Variants in TTC6 observed in about 807,000 individuals in gnomAD.
The protein encoded by TTC6 is tetratricopeptide repeat domain 6, also known as tetratricopeptide repeat protein 6.
Under a neutral mutation model 210.4 loss-of-function variants are expected in TTC6, and 172 were observed. The observed-to-expected ratio is 0.82, with a 90% CI of 0.72 to 0.93. The LOEUF is 0.93. Ranked by LOEUF, TTC6 falls within the 40% of genes least tolerant of loss-of-function variation. The pLI is 0.00. For synonymous variants in TTC6, 804 were observed against 819.6 expected (o/e 0.98, Z 0.32); for missense variants, 2,414 against 2,318.1 (o/e 1.04, Z -0.85).
chr14:37,782,906 T>C (rs921651620), intron 14 of TTC6, among the ~76,000 whole-genome samples: 15 of 152,290 alleles, frequency 9.8e-5, no homozygotes, highest in African/African-American at 2.9e-4. Flanking sequence ...TTGTCTTTGG[T>C]TCTGTTTATA....
chr14:37,679,720 C>T (rs374785131), intron 1 of TTC6, among the ~76,000 whole-genome samples: 1 of 152,054 alleles, frequency 6.6e-6, no homozygotes, highest in African/African-American at 2.4e-5. Context: ...AACAGAGTTT[C>T]CCTCTTGTTG....
intron 27 of TTC6, 134 bp from the exon 30 acceptor site, chr14:37,826,061 G>T: frequency 1.2e-6 from 1 of 858,836 alleles, no homozygotes; most frequent in Non-Finnish European, 1.7e-6. Flanking sequence ...CCTACTTTCT[G>T]GTTTGAAAGA....
At chr14:37,693,057 C>A (rs1371824659) in intron 3 of TTC6, among the ~76,000 whole-genome samples, 1 of 151,790 alleles carries the variant, frequency 6.6e-6, no homozygotes, top group Non-Finnish European at 1.5e-5. Context: ...AGCCATCAGA[C>A]AACAGGAAGA....
intron 1 of TTC6, among the ~76,000 whole-genome samples, chr14:37,668,006 A>AGG (rs2095751479): frequency 6.7e-6 from 1 of 149,980 alleles, no homozygotes; most frequent in Non-Finnish European, 1.5e-5. Context: ...ATGATGGTAC[A>AGG]CACCTGTAGT....
intron 7 of TTC6, among the ~76,000 whole-genome samples, chr14:37,734,830 C>A (rs980293684): frequency 2.6e-5 from 4 of 152,074 alleles, no homozygotes; most frequent in African/African-American, 9.7e-5. Flanking sequence ...TTAAAATAAG[C>A]AACCATTGAT....
At chr14:37,796,355 G>T in exon 19 of TTC6, 1 of 1,221,372 alleles carries the variant, frequency 8.2e-7, no homozygotes, top group African/African-American at 1.5e-5. Flanking sequence ...TTATCAAATA[G>T]CAGAAATGGA....
At chr14:37,773,224 T>G (rs1313577277) in intron 14 of TTC6, among the ~76,000 whole-genome samples, 2 of 152,184 alleles carry the variant, frequency 1.3e-5, no homozygotes, top group African/African-American at 4.8e-5. Flanking sequence ...GTTGTCTGTT[T>G]ACTCTGTTGA....
At position 37,839,816 on chromosome 14, in the gene TTC6, AT is replaced by A. The variant is rs770638060; in HGVS notation, c.5299-1624del. On this transcript the variant is annotated intron_variant, in intron 29 of 30. Coordinates refer to ENST00000553443, the Ensembl canonical transcript of TTC6. The stretch of plus-strand genomic sequence containing the variant: ...TAAGTCTTTAATCCATCTTGAGTTA[AT>A]TTTTGTATAAGGTGGAAGGAAGGGA... 2.0e-5 allele frequency among the ~76,000 whole-genome samples: 3 copies of A among 152,112 alleles called. No individual in the cohort carries two copies. In the East Asian group the frequency reaches 5.8e-4, roughly 29 times the overall value.
chr14:37,652,619 C>T (rs1240054459), intron 1 of TTC6, among the ~76,000 whole-genome samples: 2 of 152,146 alleles, frequency 1.3e-5, no homozygotes, highest in Non-Finnish European at 2.9e-5. Context: ...CCTTTTTACA[C>T]CTCTCATTTG....
At chr14:37,727,417 C>T (rs1385274905) in intron 7 of TTC6, among the ~76,000 whole-genome samples, 1 of 151,326 alleles carries the variant, frequency 6.6e-6, no homozygotes, top group Non-Finnish European at 1.5e-5. Context: ...CCTCAGCCTC[C>T]CGAGTAGCCG....
intron 1 of TTC6, among the ~76,000 whole-genome samples, chr14:37,645,095 C>G (rs919292498): frequency 6.6e-6 from 1 of 152,176 alleles, no homozygotes; most frequent in East Asian, 1.9e-4. Flanking sequence ...GTAGGGAGTA[C>G]AAGTCTGTTT....
rs578141204 is a variant in TTC6 at position 37,667,299 on chromosome 14, G to A, written c.940-12852G>A. On this transcript the variant is annotated intron_variant, in intron 1 of 30. Coordinates refer to ENST00000553443, the Ensembl canonical transcript of TTC6. ...TTCTTATTTCACTTATACTACCCAC[G>A]TTCTCATTTTCTGGTTCCCCACCCC... 7.3e-5 allele frequency among the ~76,000 whole-genome samples: 11 copies of A among 150,122 alleles called. No homozygotes were observed. The East Asian group carries it at 1.9e-3, about 26-fold the overall frequency.
intron 20 of TTC6, among the ~76,000 whole-genome samples, chr14:37,798,970 G>T (rs2096099310): frequency 6.6e-6 from 1 of 152,098 alleles, no homozygotes; most frequent in Admixed American, 6.6e-5. Context: ...TGTAGACATT[G>T]CTAAATTTGA....
At chr14:37,790,837 G>A in exon 16 of TTC6, 1 of 1,524,134 alleles carries the variant, frequency 6.6e-7, no homozygotes. Flanking sequence ...TCTCTAGAAA[G>A]GTATGTTTTC....
At chr14:37,834,217 A>G (rs2096192624) in intron 29 of TTC6, among the ~76,000 whole-genome samples, 1 of 152,114 alleles carries the variant, frequency 6.6e-6, no homozygotes, top group African/African-American at 2.4e-5. Flanking sequence ...TCCTGTATCT[A>G]TATGTATATC....
chr14:37,713,590 A>C (rs2095848010), intron 5 of TTC6, among the ~76,000 whole-genome samples: 2 of 152,200 alleles, frequency 1.3e-5, no homozygotes, highest in East Asian at 3.9e-4. Flanking sequence ...CATTAGAAGG[A>C]GGATGGAATG....
At chr14:37,648,136 C>T (rs144606066) in intron 1 of TTC6, among the ~76,000 whole-genome samples, 2 of 152,122 alleles carry the variant, frequency 1.3e-5, no homozygotes, top group African/African-American at 4.8e-5. Flanking sequence ...ATATGTTGAA[C>T]TTGTGGAATT....
intron 1 of TTC6, among the ~76,000 whole-genome samples, chr14:37,678,478 G>A (rs1319617696): frequency 6.6e-6 from 1 of 152,104 alleles, no homozygotes; most frequent in Non-Finnish European, 1.5e-5. Context: ...ACCCTATGCC[G>A]ATTTCTGGAG....
At chr14:37,656,680 T>C (rs1451149942) in intron 1 of TTC6, among the ~76,000 whole-genome samples, 1 of 151,952 alleles carries the variant, frequency 6.6e-6, no homozygotes, top group African/African-American at 2.4e-5. Context: ...TTCCAGAGAC[T>C]TTCAGGCAGC....
Sources: gnomAD v4.1 joint callset for allele counts (sites outside exome capture counted in the v4.1 genomes callset) on GRCh38, gnomAD v4.1.1 for gene constraint, MANE v1.5 for transcripts, NCBI Gene and HGNC (gene_info 2026-07-23, HGNC 2026-07-21) for gene names.